PTPRD: variants seen among roughly 807,000 people sequenced by gnomAD.
The protein encoded by PTPRD is receptor-type tyrosine-protein phosphatase delta.
PTPRD carries 34 observed loss-of-function variants against 214.5 expected under a neutral mutation model. That is an observed-to-expected ratio of 0.16 (90% CI 0.12 to 0.21). The LOEUF (loss-of-function observed/expected upper bound fraction) is 0.21, where lower values mean the gene tolerates loss of function less well. Ranked by LOEUF, PTPRD falls within the 10% of genes least tolerant of loss-of-function variation. The pLI, the probability that PTPRD is intolerant of heterozygous loss-of-function variation, is 1.00. For missense variants in PTPRD, 2,545 were observed against 2,398.7 expected (o/e 1.06, Z -1.27); for synonymous variants, 1,128 against 845.7 (o/e 1.33, Z -5.79).
intron 10 of PTPRD, among the ~76,000 whole-genome samples, chr9:9,063,306 T>C (rs2099711081): frequency 6.6e-6 from 1 of 152,192 alleles, no homozygotes; most frequent in Admixed American, 6.5e-5. Context: ...TAATCCTTCA[T>C]GCCTAAGAAG....
Position 10,609,656 on chromosome 9 carries a change from T to A in PTPRD, c.-600+2742A>T, listed in dbSNP as rs74745101. Reference sequence around the variant, plus strand: ...TTGGATTCCTGCATCCTACTAGTAATACACAGGAAAGATATCATGGCATTC... The same window carrying A: ...TTGGATTCCTGCATCCTACTAGTAAAACACAGGAAAGATATCATGGCATTC... On this transcript the variant is annotated intron_variant, in intron 2 of 45. Coordinates refer to ENST00000381196, the MANE Select transcript of PTPRD (RefSeq NM_002839.4). Among the ~76,000 whole-genome samples the A allele has an allele frequency of 9.5e-3, 1,452 of 152,222 alleles. 27 individuals carry two copies. The highest frequency in any genetic ancestry group is 0.032 in the African/African-American group (1,333 of 41,548).
At chr9:10,540,314 C>A (rs2058811843) in intron 2 of PTPRD, among the ~76,000 whole-genome samples, 1 of 152,160 alleles carries the variant, frequency 6.6e-6, no homozygotes, top group African/African-American at 2.4e-5. Context: ...AGGCATGAGC[C>A]ACCGGACCCG....
intron 25 of PTPRD, among the ~76,000 whole-genome samples, chr9:8,498,706 A>G (rs2097331336): frequency 1.3e-5 from 2 of 152,184 alleles, no homozygotes; most frequent in African/African-American, 4.8e-5. Context: ...AAGTATTCCA[A>G]TGATCATAAT....
intron 9 of PTPRD, among the ~76,000 whole-genome samples, chr9:9,234,251 A>T (rs2099965089): frequency 6.6e-6 from 1 of 152,210 alleles, no homozygotes; most frequent in African/African-American, 2.4e-5. Flanking sequence ...ATCTGAAGCC[A>T]TGTCCCATGC....
At chr9:10,589,403 G>A (rs959564456) in intron 2 of PTPRD, among the ~76,000 whole-genome samples, 2 of 151,108 alleles carry the variant, frequency 1.3e-5, no homozygotes, top group African/African-American at 2.5e-5. Flanking sequence ...ATTAATCTGG[G>A]TTAAGTTTCA....
chr9:9,960,907 C>T (rs966953439), intron 4 of PTPRD, among the ~76,000 whole-genome samples: 1 of 152,062 alleles, frequency 6.6e-6, no homozygotes, highest in African/African-American at 2.4e-5. Flanking sequence ...TTGCAATCTA[C>T]TCATCTGACA....
chr9:8,955,609 T>C (rs907840124), intron 11 of PTPRD, among the ~76,000 whole-genome samples: 4 of 151,344 alleles, frequency 2.6e-5, no homozygotes, highest in African/African-American at 9.7e-5. Context: ...GCTATTTCTG[T>C]TTTTTATTTT....
At chr9:9,311,225 G>C (rs1002992243) in intron 9 of PTPRD, among the ~76,000 whole-genome samples, 1 of 152,048 alleles carries the variant, frequency 6.6e-6, no homozygotes, top group Non-Finnish European at 1.5e-5. Flanking sequence ...AAAACTAAAA[G>C]TTCAGCAAGA....
In PTPRD at chr9:10,038,744, T is replaced by A. The variant is rs1470626872; in HGVS notation, c.-544-4954A>T. 2.0e-5 allele frequency among the ~76,000 whole-genome samples: 3 copies of A among 152,230 alleles called. No homozygotes were observed. The East Asian group carries it at 5.8e-4, about 29-fold the overall frequency. ...AATTTGGACTCACTTTATATTTTTC[T>A]TTTATTCATCTATTCTCAGAGAACT... On this transcript the variant is annotated intron_variant, in intron 3 of 45. Coordinates refer to ENST00000381196, the MANE Select transcript of PTPRD (RefSeq NM_002839.4).
chr9:9,321,322 G>T (rs552848508), intron 9 of PTPRD, among the ~76,000 whole-genome samples: 1 of 152,132 alleles, frequency 6.6e-6, no homozygotes, highest in Non-Finnish European at 1.5e-5. Flanking sequence ...TTGGGAGGCC[G>T]AGGCGGGTGG....
intron 5 of PTPRD, among the ~76,000 whole-genome samples, chr9:9,849,770 C>A (rs1215138505): frequency 6.6e-6 from 1 of 152,086 alleles, no homozygotes; most frequent in Non-Finnish European, 1.5e-5. Context: ...CCAGCTGATG[C>A]CCCACTCCAA....
At chr9:9,012,261 G>A (rs1381640727) in intron 11 of PTPRD, among the ~76,000 whole-genome samples, 1 of 152,106 alleles carries the variant, frequency 6.6e-6, no homozygotes, top group Non-Finnish European at 1.5e-5. Flanking sequence ...TGAGAACCAA[G>A]CCCTGGCTGA....
At chr9:10,377,574 G>C (rs577160913) in intron 2 of PTPRD, among the ~76,000 whole-genome samples, 18 of 152,052 alleles carry the variant, frequency 1.2e-4, no homozygotes, top group African/African-American at 4.1e-4. Context: ...AGTTTGCTGA[G>C]AATGGTGGTT....
At chr9:10,569,599 T>G (rs934336029) in intron 2 of PTPRD, among the ~76,000 whole-genome samples, 5 of 151,878 alleles carry the variant, frequency 3.3e-5, no homozygotes, top group African/African-American at 1.2e-4. Context: ...TATTGTAAAT[T>G]AGGGTTGATA....
intron 43 of PTPRD, among the ~76,000 whole-genome samples, chr9:8,337,410 CGGACACACG>C (rs538786706): frequency 4.3e-4 from 66 of 152,088 alleles, no homozygotes; most frequent in Non-Finnish European, 6.9e-4. Context: ...TGAGAACACA[CGGACACACG>C]GAGGGGAACA....
intron 14 of PTPRD, among the ~76,000 whole-genome samples, chr9:8,626,389 G>T (rs144771306): frequency 2.0e-5 from 3 of 151,658 alleles, no homozygotes; most frequent in South Asian, 2.1e-4. Context: ...AATGAGTCAC[G>T]TCCCAACCTC....
chr9:10,466,351 C>T (rs930789417), intron 2 of PTPRD, among the ~76,000 whole-genome samples: 10 of 151,992 alleles, frequency 6.6e-5, no homozygotes, highest in African/African-American at 9.7e-5. Flanking sequence ...ATGCCGGGTG[C>T]GGTGGCTGAT....
intron 5 of PTPRD, among the ~76,000 whole-genome samples, chr9:9,855,856 G>A (rs929150306): frequency 1.3e-5 from 2 of 152,210 alleles, no homozygotes; most frequent in East Asian, 1.9e-4. Flanking sequence ...TCCATGGACG[G>A]CTTTAAGCGC....
intron 3 of PTPRD, among the ~76,000 whole-genome samples, chr9:10,244,130 G>C (rs2091655584): frequency 1.3e-5 from 2 of 151,632 alleles, no homozygotes. Flanking sequence ...GTAATCTAAT[G>C]GTATCCCACT....
Sources: allele counts gnomAD v4.1 joint callset (sites outside exome capture counted in the v4.1 genomes callset), GRCh38; gene constraint gnomAD v4.1.1; transcripts MANE v1.5; gene names NCBI Gene and HGNC (gene_info 2026-07-23, HGNC 2026-07-21).